The following TSHZ1 variants were observed in gnomAD, a reference collection of about 807,000 sequenced individuals.
The protein encoded by TSHZ1 is teashirt zinc finger homeobox 1.
Under a neutral mutation model 67.1 loss-of-function variants are expected in TSHZ1, and 12 were observed. That is an observed-to-expected ratio of 0.18 (90% CI 0.11 to 0.29). TSHZ1 has a LOEUF of 0.29. Ranked by LOEUF, TSHZ1 falls within the 10% of genes least tolerant of loss-of-function variation. TSHZ1 has a pLI of 1.00. For synonymous variants in TSHZ1, 632 were observed against 622.4 expected (o/e 1.02, Z -0.23); for missense variants, 1,305 against 1,413.9 (o/e 0.92, Z 1.23).
In TSHZ1 at chr18:75,211,725, C is replaced by G. The variant is rs1230388225; in HGVS notation, c.-152C>G. 9 of 287,444 alleles carry G rather than the reference C, an allele frequency of 3.1e-5. No homozygotes were observed. The highest frequency in any genetic ancestry group is 4.6e-5 in the Non-Finnish European group (9 of 196,296). 17.8% of individuals were successfully genotyped at this position (287,444 alleles called of 1,614,324 possible). A position where few individuals can be genotyped will look rare whatever the true frequency, so the allele number is the denominator to read the frequency against. On this transcript the variant is annotated 5_prime_UTR_variant, in exon 1 of 2. Transcript: ENST00000580243. The stretch of plus-strand genomic sequence containing the variant: ...GCGGCGGTCCATGCGAGCGGCTCCC[C>G]GCGGTCCGCGGCGCGCCCGGAGCCC...
At chr18:75,226,840 G>A (rs1214934842) in intron 1 of TSHZ1, among the ~76,000 whole-genome samples, 2 of 152,140 alleles carry the variant, frequency 1.3e-5, no homozygotes, top group South Asian at 4.1e-4. Context: ...TGAGCCCCTT[G>A]CCAGGAAAGC....
At chr18:75,274,728 A>G (rs952721090) in intron 1 of TSHZ1, among the ~76,000 whole-genome samples, 13 of 152,200 alleles carry the variant, frequency 8.5e-5, no homozygotes, top group African/African-American at 3.1e-4. Context: ...TCTCTCTGCC[A>G]AAGTAATTTT....
intron 1 of TSHZ1, among the ~76,000 whole-genome samples, chr18:75,271,266 GC>G (rs779693263): frequency 1.2e-4 from 18 of 152,170 alleles, no homozygotes; most frequent in Non-Finnish European, 1.2e-4. Flanking sequence ...TAGCATAAGG[GC>G]CCTGCGTATC....
At chr18:75,257,760 C>G (rs1467388068) in intron 1 of TSHZ1, among the ~76,000 whole-genome samples, 1 of 152,142 alleles carries the variant, frequency 6.6e-6, no homozygotes. Flanking sequence ...CTCATGGATT[C>G]AAACGCCAGT....
intron 1 of TSHZ1, 111 bp downstream of exon 1, chr18:75,212,027 G>A: frequency 1.2e-6 from 1 of 838,738 alleles, no homozygotes; most frequent in Non-Finnish European, 1.5e-6. Context: ...CCAAGCTGGG[G>A]AGGGGAGGCC....
chr18:75,252,306 A>C (rs2023315040), intron 1 of TSHZ1, among the ~76,000 whole-genome samples: 1 of 152,214 alleles, frequency 6.6e-6, no homozygotes, highest in East Asian at 1.9e-4. Context: ...CACAAGTAAA[A>C]TTACCAGGTC....
At chr18:75,228,718 C>T (rs943442740) in intron 1 of TSHZ1, among the ~76,000 whole-genome samples, 1 of 152,196 alleles carries the variant, frequency 6.6e-6, no homozygotes, top group Non-Finnish European at 1.5e-5. Context: ...TCTAAGGGAG[C>T]TGGGTATACA....
At chr18:75,245,618 G>A (rs552016140) in intron 1 of TSHZ1, among the ~76,000 whole-genome samples, 2 of 152,210 alleles carry the variant, frequency 1.3e-5, no homozygotes, top group East Asian at 3.9e-4. Flanking sequence ...TTAGTTTCTT[G>A]TTTTGTTCTG....
At chr18:75,254,626 C>T (rs1394529849) in intron 1 of TSHZ1, among the ~76,000 whole-genome samples, 1 of 152,032 alleles carries the variant, frequency 6.6e-6, no homozygotes, top group Non-Finnish European at 1.5e-5. Context: ...ACACAGATAA[C>T]AGGGAGAAAT....
In TSHZ1 at chr18:75,236,345, C is replaced by T. The variant is rs1393230824; in HGVS notation, c.40+24429C>T. Among the ~76,000 whole-genome samples the T allele has an allele frequency of 2.0e-5, 3 of 152,160 alleles. No homozygotes were observed. In the East Asian group the frequency reaches 5.8e-4, roughly 29 times the overall value. ...TTTAAATCACACCACATTGTAGCTG[C>T]GTCTTCCCCGTGCCTCTCACTGGGA... is the stretch of plus-strand genomic sequence containing the variant. On this transcript the variant is annotated intron_variant, in intron 1 of 1. Transcript: ENST00000580243.
intron 1 of TSHZ1, among the ~76,000 whole-genome samples, chr18:75,265,246 T>TG: frequency 6.6e-6 from 1 of 152,168 alleles, no homozygotes; most frequent in Non-Finnish European, 1.5e-5. Context: ...TTCACTGAGG[T>TG]GGGATTCCTT....
chr18:75,240,911 G>C (rs1175129309), intron 1 of TSHZ1, among the ~76,000 whole-genome samples: 2 of 152,188 alleles, frequency 1.3e-5, no homozygotes, highest in Non-Finnish European at 2.9e-5. Flanking sequence ...AATGCATTCA[G>C]AACAGTGGCT....
In TSHZ1 at chr18:75,287,348, G is replaced by A. The variant is rs141313878; in HGVS notation, c.1941G>A (p.Thr647=). 2.4e-4 allele frequency: 388 copies of A among 1,614,092 alleles called. 1 individual carries two copies. In the African/African-American group the frequency reaches 2.8e-3, roughly 12 times the overall value. ...TGGAGGAGCTGGTGGAGAAGGTCAC[G>A]GGCAAGGTCAACATCAAGAAGGAGG... ...SAMEELVEKV[T]GKVNIKKEER... The change falls in exon 2 of 2, where the codon ACG becomes ACA. Residue 647 remains threonine (T), a synonymous_variant. Transcript: ENST00000580243. This position sits in a 1 kb window ranked among gnomAD's most constrained non-coding sequence, Gnocchi z 5.0.
chr18:75,216,016 G>A (rs1364673263), intron 1 of TSHZ1, among the ~76,000 whole-genome samples: 1 of 151,786 alleles, frequency 6.6e-6, no homozygotes, highest in African/African-American at 2.4e-5. Context: ...GGGGAGGGGG[G>A]CTGGTCAGTT....
At chr18:75,254,239 C>T (rs1484790539) in intron 1 of TSHZ1, among the ~76,000 whole-genome samples, 1 of 152,160 alleles carries the variant, frequency 6.6e-6, no homozygotes, top group Non-Finnish European at 1.5e-5. Context: ...CTCTTAGAGC[C>T]ACCCATTTCT....
At chr18:75,270,552 A>G (rs2023544775) in intron 1 of TSHZ1, among the ~76,000 whole-genome samples, 1 of 152,224 alleles carries the variant, frequency 6.6e-6, no homozygotes, top group Non-Finnish European at 1.5e-5. Flanking sequence ...CAGGTGGATC[A>G]TTATCCAAGA....
chr18:75,235,021 G>A (rs1158334765), intron 1 of TSHZ1, among the ~76,000 whole-genome samples: 5 of 152,100 alleles, frequency 3.3e-5, no homozygotes, highest in African/African-American at 9.7e-5. Flanking sequence ...TAGTAAAGGT[G>A]TAGACCCCAG....
chr18:75,211,862 C>T lies in TSHZ1; in HGVS notation c.-15C>T. The T allele has an allele frequency of 8.5e-7, 1 of 1,174,736 alleles. No homozygotes were observed. The allele number at this position is 1,174,736 out of a possible 1,614,324, so 72.8% of individuals were successfully genotyped here. A position where few individuals can be genotyped will look rare whatever the true frequency, so the allele number is the denominator to read the frequency against. On this transcript the variant is annotated 5_prime_UTR_variant, in exon 1 of 2. Transcript: ENST00000580243. ...CCGGCGGCGGCTGAGGCGACGGCTG[C>T]GGCGGCCGAGCAGCATGCCGAGGAG...
chr18:75,224,342 T>C (rs7235062), intron 1 of TSHZ1, among the ~76,000 whole-genome samples: 10,511 of 152,264 alleles, frequency 0.069, 549 homozygotes, highest in African/African-American at 0.14. Context: ...GAAACCCAGC[T>C]AGTCCCTGAC....
Sources: gnomAD v4.1 joint callset for allele counts (sites outside exome capture counted in the v4.1 genomes callset) on GRCh38, gnomAD v4.1.1 for gene constraint, Gnocchi (gnomAD v3.1) non-coding constraint, MANE v1.5 for transcripts, NCBI Gene and HGNC (gene_info 2026-07-23, HGNC 2026-07-21) for gene names.